PPARGC1A: variants seen among roughly 807,000 people sequenced by gnomAD.
PPARGC1A encodes the protein peroxisome proliferator-activated receptor gamma coactivator 1-alpha.
A neutral mutation model predicts 88.7 loss-of-function variants in PPARGC1A; 25 were observed. The ratio of observed to expected loss-of-function variants is 0.28; its 90% confidence interval spans 0.21 to 0.39. The LOEUF (loss-of-function observed/expected upper bound fraction) is 0.39. PPARGC1A is among the 10% of genes least tolerant of loss of function. The probability of loss-of-function intolerance (pLI) is 1.00; values close to 1 mark genes in which losing one functional copy is unlikely to be tolerated. For missense variants in PPARGC1A, 880 were observed against 968.7 expected, an observed-to-expected ratio of 0.91 and a Z score of 1.22; for synonymous variants, 363 against 355.6, an observed-to-expected ratio of 1.02 and a Z score of -0.24.
At chr4:24,176,649 A>G in the PPARGC1A span, among the ~76,000 whole-genome samples, 1 of 152,170 alleles carries the variant, frequency 6.6e-6, no homozygotes, top group Non-Finnish European at 1.5e-5. Context: ...GGGAAGAGCT[A>G]TCACTTCTTA....
chr4:23,946,108 C>A, the PPARGC1A span, among the ~76,000 whole-genome samples: 3 of 152,136 alleles, frequency 2.0e-5, no homozygotes, highest in Non-Finnish European at 4.4e-5. Flanking sequence ...GGGCAAAGCA[C>A]AGGGAATGAA....
At chr4:24,440,062 C>T in the PPARGC1A span, among the ~76,000 whole-genome samples, 1 of 152,180 alleles carries the variant, frequency 6.6e-6, no homozygotes, top group East Asian at 1.9e-4. Context: ...AAAGAGGTCT[C>T]CTTCTTTTCT....
the PPARGC1A span, among the ~76,000 whole-genome samples, chr4:24,413,660 C>T: frequency 0.04 from 6,053 of 152,240 alleles, 185 homozygotes; most frequent in Admixed American, 0.096. Flanking sequence ...ACAAGAAGAC[C>T]GTTTGAATCT....
At chr4:24,359,150 T>C in the PPARGC1A span, among the ~76,000 whole-genome samples, 22 of 152,306 alleles carry the variant, frequency 1.4e-4, no homozygotes, top group African/African-American at 5.3e-4. Context: ...TGTTGAGGGC[T>C]GGGAATAGAA....
the PPARGC1A span, among the ~76,000 whole-genome samples, chr4:23,946,829 T>C: frequency 7.3e-5 from 11 of 150,242 alleles, no homozygotes; most frequent in South Asian, 4.2e-4. Flanking sequence ...CACACACACA[T>C]ACACACACAC....
the PPARGC1A span, among the ~76,000 whole-genome samples, chr4:24,341,362 G>A: frequency 6.6e-6 from 1 of 151,998 alleles, no homozygotes; most frequent in South Asian, 2.1e-4. Flanking sequence ...TCAATACTAA[G>A]TTGATCCTTT....
the PPARGC1A span, among the ~76,000 whole-genome samples, chr4:24,192,095 C>T: frequency 6.6e-6 from 1 of 152,274 alleles, no homozygotes; most frequent in East Asian, 1.9e-4. Flanking sequence ...TCCTTATTTT[C>T]CTGTTCTTTC....
the PPARGC1A span, among the ~76,000 whole-genome samples, chr4:24,388,309 G>T: frequency 2.6e-5 from 4 of 152,160 alleles, no homozygotes; most frequent in Admixed American, 2.0e-4. Flanking sequence ...TCATTAAAAA[G>T]TCAGGAAACA....
chr4:24,176,069 C>T, the PPARGC1A span, among the ~76,000 whole-genome samples: 46 of 152,122 alleles, frequency 3.0e-4, no homozygotes, highest in Non-Finnish European at 3.4e-4. Context: ...GGCTGGGTTG[C>T]CTCTCTCCCA....
the PPARGC1A span, among the ~76,000 whole-genome samples, chr4:23,979,715 T>C: frequency 6.6e-6 from 1 of 152,174 alleles, no homozygotes; most frequent in African/African-American, 2.4e-5. Context: ...GATGGTGCCA[T>C]GGATCCTGGC....
chr4:23,988,921 ATAT>A, the PPARGC1A span, among the ~76,000 whole-genome samples: 8 of 147,544 alleles, frequency 5.4e-5, no homozygotes, highest in African/African-American at 2.0e-4. Flanking sequence ...ATTATATAAT[ATAT>A]ACTATATTAT....
chr4:24,160,513 G>T, the PPARGC1A span, among the ~76,000 whole-genome samples: 1 of 152,166 alleles, frequency 6.6e-6, no homozygotes, highest in East Asian at 1.9e-4. Flanking sequence ...AGGACATCAA[G>T]ACTGCTGCAT....
the PPARGC1A span, among the ~76,000 whole-genome samples, chr4:24,437,134 G>A: frequency 2.6e-5 from 4 of 152,152 alleles, no homozygotes; most frequent in South Asian, 4.1e-4. Context: ...AAGCAAATAC[G>A]CATGGCAATG....
the PPARGC1A span, among the ~76,000 whole-genome samples, chr4:24,353,554 G>T: frequency 6.6e-6 from 1 of 152,140 alleles, no homozygotes; most frequent in Non-Finnish European, 1.5e-5. Context: ...TTGCTAAGAA[G>T]GATGCAAAAA....
the PPARGC1A span, among the ~76,000 whole-genome samples, chr4:23,939,669 T>C: frequency 1.2e-4 from 19 of 152,318 alleles, 1 homozygote; most frequent in East Asian, 1.7e-3. Flanking sequence ...TTAGAAGTTA[T>C]AGAGATCCCC....
chr4:24,347,359 G>A, the PPARGC1A span, among the ~76,000 whole-genome samples: 2 of 152,118 alleles, frequency 1.3e-5, no homozygotes, highest in East Asian at 3.9e-4. Flanking sequence ...TGCTGTCAGT[G>A]GAGTATTGAA....
the PPARGC1A span, among the ~76,000 whole-genome samples, chr4:24,190,842 C>A: frequency 1.3e-5 from 2 of 152,190 alleles, no homozygotes; most frequent in African/African-American, 4.8e-5. Flanking sequence ...CATTTCCCAC[C>A]GCTGGTGGAC....
At chr4:23,902,293 A>T (rs1211346148), upstream of PPARGC1A, among the ~76,000 whole-genome samples, 1 of 152,212 alleles carries the variant, frequency 6.6e-6, no homozygotes, top group Non-Finnish European at 1.5e-5. Flanking sequence ...TATATCATAG[A>T]TGCATATAAA....
chr4:24,100,463 C>A, the PPARGC1A span, among the ~76,000 whole-genome samples: 1 of 152,172 alleles, frequency 6.6e-6, no homozygotes, highest in Non-Finnish European at 1.5e-5. Flanking sequence ...AATGGCAGGA[C>A]TCCAGCCCTT....
Sources: gnomAD v4.1 joint callset for allele counts (sites outside exome capture counted in the v4.1 genomes callset) on GRCh38, gnomAD v4.1.1 for gene constraint, MANE v1.5 for transcripts, NCBI Gene and HGNC (gene_info 2026-07-23, HGNC 2026-07-21) for gene names.